Variants in TET2 observed in about 807,000 individuals in gnomAD.
The protein encoded by TET2 is methylcytosine dioxygenase TET2.
TET2 carries 299 observed loss-of-function variants against 142.9 expected under a neutral mutation model. The observed-to-expected ratio is 2.09, with a 90% CI of 1.90 to 2.30. The LOEUF (loss-of-function observed/expected upper bound fraction) is 2.30. TET2 is among the 30% of genes most tolerant of loss of function. TET2 has a pLI of 0.00. For synonymous variants in TET2, 819 were observed against 849.0 expected (o/e 0.96, Z 0.61); for missense variants, 2,418 against 2,378.0 (o/e 1.02, Z -0.35).
intron 6 of TET2, among the ~76,000 whole-genome samples, chr4:105,247,317 A>G (rs1729627525): frequency 6.6e-6 from 1 of 152,214 alleles, no homozygotes; most frequent in Non-Finnish European, 1.5e-5. Context: ...TGTTTGTTCA[A>G]ATTATCTGAT....
intron 1 of TET2, among the ~76,000 whole-genome samples, chr4:105,163,848 AGAGAGAGTGTGTGTGT>A (rs1408624159): frequency 8.8e-6 from 1 of 113,574 alleles, no homozygotes; most frequent in African/African-American, 3.6e-5. Flanking sequence ...AGAGAGAGAG[AGAGAGAGTGTGTGTGT>A]GTGTGTGTGT....
At chr4:105,241,504 CACAA>C in intron 4 of TET2, 75 bp downstream of exon 4, 1 of 1,501,318 alleles carries the variant, frequency 6.7e-7, no homozygotes, top group South Asian at 1.3e-5. Context: ...AGCCTTCACA[CACAA>C]AGCAGTAAAC....
At chr4:105,208,897 A>G (rs1218114571) in intron 2 of TET2, among the ~76,000 whole-genome samples, 1 of 151,534 alleles carries the variant, frequency 6.6e-6, no homozygotes, top group Non-Finnish European at 1.5e-5. Context: ...ATTCAAAGTG[A>G]TAAGTGTTTT....
Position 105,278,375 on chromosome 4 carries a change from C to T in TET2, c.*1856C>T. The T allele has an allele frequency of 4.7e-6, 1 of 212,730 alleles. No homozygotes were observed. 13.2% of individuals were successfully genotyped at this position (212,730 alleles called of 1,614,324 possible). ...TGAGAGTGAAAGCATTGTGTACCAT[C>T]ATTTTTTTCCAAGTCCTTTTTTTTA... On this transcript the variant is annotated 3_prime_UTR_variant, in exon 11 of 11. Transcript: ENST00000380013.
At chr4:105,167,491 C>A (rs993885814) in intron 1 of TET2, among the ~76,000 whole-genome samples, 2 of 151,918 alleles carry the variant, frequency 1.3e-5, no homozygotes, top group Non-Finnish European at 2.9e-5. Context: ...TATCTATATA[C>A]ATGTATATGT....
chr4:105,206,511 C>G (rs146905255), intron 2 of TET2, among the ~76,000 whole-genome samples: 90 of 152,326 alleles, frequency 5.9e-4, no homozygotes, highest in African/African-American at 2.1e-3. Flanking sequence ...TTTTGTCTAT[C>G]ACAGCCCATG....
rs936377718 is a variant in TET2, at chr4:105,276,182, G to C, written c.5672G>C (p.Arg1891Thr). 6.4e-7 allele frequency: 1 copy of C among 1,551,606 alleles called. No homozygotes were observed. Among genetic ancestry groups the C allele is most frequent in the Non-Finnish European group, 8.7e-7 (1 of 1,146,980 alleles). ...ACAACCCCTTTAAAGAATCCCAATA[G>C]GAATCACCCCACCAGGATCTCCCTC... ...HATTPLKNPN[R>T]NHPTRISLVF... The change falls in exon 11 of 11, where the codon AGG becomes ACG. Residue 1891 changes from arginine to threonine, a missense_variant. Coordinates refer to ENST00000380013, the MANE Select transcript of TET2 (RefSeq NM_001127208.3).
chr4:105,249,434 A>G (rs1241013781), intron 6 of TET2, among the ~76,000 whole-genome samples: 4 of 152,214 alleles, frequency 2.6e-5, no homozygotes, highest in African/African-American at 9.6e-5. Flanking sequence ...TTGTGTGAAC[A>G]TGTTTTCAGT....
At chr4:105,169,928 C>T (rs1038223548) in intron 1 of TET2, among the ~76,000 whole-genome samples, 2 of 147,800 alleles carry the variant, frequency 1.4e-5, no homozygotes, top group Admixed American at 1.3e-4. Context: ...CTCTATCCCC[C>T]CATTGGTCTC....
At chr4:105,269,272 TGATAGATTA>T (rs1248318043) in intron 8 of TET2, among the ~76,000 whole-genome samples, 1 of 152,110 alleles carries the variant, frequency 6.6e-6, no homozygotes, top group Non-Finnish European at 1.5e-5. Context: ...AAATCTGTAG[TGATAGATTA>T]GTAGTTGTCT....
At chr4:105,244,619 G>A (rs1420866760) in intron 6 of TET2, among the ~76,000 whole-genome samples, 1 of 95,350 alleles carries the variant, frequency 1.0e-5, no homozygotes, top group Non-Finnish European at 2.2e-5. Flanking sequence ...TTTTGAGATG[G>A]AGTTTCGCTC....
chr4:105,152,855 C>A (rs540052692), intron 1 of TET2, among the ~76,000 whole-genome samples: 5 of 152,156 alleles, frequency 3.3e-5, no homozygotes, highest in Non-Finnish European at 5.9e-5. Context: ...CCCGGGTCTC[C>A]CAAAGTGCTG....
intron 8 of TET2, among the ~76,000 whole-genome samples, chr4:105,268,915 G>A (rs1411555797): frequency 6.6e-6 from 1 of 152,188 alleles, no homozygotes; most frequent in Non-Finnish European, 1.5e-5. Context: ...AGAGGTTGCA[G>A]TGAGCCCAGA....
Position 105,277,563 on chromosome 4 carries a change from A to AT in TET2, c.*1045dup, listed in dbSNP as rs1193593636. The AT allele has an allele frequency of 4.4e-6, 1 of 227,830 alleles. No homozygotes were observed. The highest frequency in any genetic ancestry group is 8.7e-6 in the Non-Finnish European group (1 of 114,838). The allele number at this position is 227,830 out of a possible 1,614,324, so 14.1% of individuals were successfully genotyped here. A position where few individuals can be genotyped will look rare whatever the true frequency, so the allele number is the denominator to read the frequency against. On this transcript the variant is annotated 3_prime_UTR_variant, in exon 11 of 11. Transcript: ENST00000380013. The stretch of plus-strand genomic sequence containing the variant: ...TTTTAAAATATTTTTGCTTTTAGCC[A>AT]TGCATCTGCTGATGAGCAATTGTGT...
In TET2 at chr4:105,181,313, T is replaced by A. The variant is rs560434256; in HGVS notation, c.-192-9047T>A. Among the ~76,000 whole-genome samples, 25 of 152,334 alleles carry A rather than the reference T, an allele frequency of 1.6e-4. No individual in the cohort carries two copies. In the East Asian group the frequency reaches 4.4e-3, roughly 27 times the overall value. Reference sequence around the variant, plus strand: ...GGATTTTCCTTTTCCTGGGAATTTCTTGATGATTTTTATTTTGTCATGTGA... The same window carrying A: ...GGATTTTCCTTTTCCTGGGAATTTCATGATGATTTTTATTTTGTCATGTGA... On this transcript the variant is annotated intron_variant, in intron 1 of 10. Coordinates refer to ENST00000380013, the MANE Select transcript of TET2 (RefSeq NM_001127208.3).
At chr4:105,190,169 T>C (rs746797558) in intron 1 of TET2, among the ~76,000 whole-genome samples, 191 bp from the exon 2 acceptor site, 1 of 152,192 alleles carries the variant, frequency 6.6e-6, no homozygotes, top group Non-Finnish European at 1.5e-5. Context: ...TCTACAGATA[T>C]TAGAATTGTT....
At chr4:105,191,041 A>G (rs1287209975) in intron 2 of TET2, among the ~76,000 whole-genome samples, 4 of 152,038 alleles carry the variant, frequency 2.6e-5, no homozygotes, top group Non-Finnish European at 5.9e-5. Context: ...CAGCTATGTG[A>G]TTTTACATAC....
intron 2 of TET2, among the ~76,000 whole-genome samples, chr4:105,230,603 T>TA (rs1323057611): frequency 6.6e-6 from 1 of 152,224 alleles, no homozygotes; most frequent in Admixed American, 6.5e-5. Flanking sequence ...AGATATCTTC[T>TA]TAAATACTTA....
intron 2 of TET2, among the ~76,000 whole-genome samples, chr4:105,204,667 G>T (rs577437367): frequency 2.0e-4 from 30 of 152,198 alleles, no homozygotes; most frequent in Admixed American, 1.9e-3. Flanking sequence ...AGTTTATTTA[G>T]GCTCTGTGTC....
Sources: allele counts gnomAD v4.1 joint callset (sites outside exome capture counted in the v4.1 genomes callset), GRCh38; gene constraint gnomAD v4.1.1; transcripts MANE v1.5; gene names NCBI Gene and HGNC (gene_info 2026-07-23, HGNC 2026-07-21).